Variants in UBE2H observed in about 807,000 individuals in gnomAD.
The protein encoded by UBE2H is ubiquitin-conjugating enzyme E2 H.
UBE2H carries 3 observed loss-of-function variants against 29.0 expected under a neutral mutation model. That is an observed-to-expected ratio of 0.10 (90% CI 0.05 to 0.27). UBE2H has a LOEUF of 0.27. Among genes scored for constraint, UBE2H ranks in the 10% least tolerant of loss-of-function variants. The probability of loss-of-function intolerance (pLI) is 1.00; values close to 1 mark genes in which losing one functional copy is unlikely to be tolerated. For missense variants in UBE2H, 68 were observed against 228.2 expected (o/e 0.30, Z 4.52); for synonymous variants, 69 against 82.9 (o/e 0.83, Z 0.91).
chr7:129,911,394 G>A (rs1392390819), intron 1 of UBE2H, among the ~76,000 whole-genome samples: 2 of 150,898 alleles, frequency 1.3e-5, no homozygotes, highest in Non-Finnish European at 3.0e-5. Context: ...AAAAAATGAG[G>A]ACAGAACAAA....
rs141932831 is a variant in UBE2H at position 129,931,901 on chromosome 7, T to C, written c.53+20602A>G. On this transcript the variant is annotated intron_variant, in intron 1 of 6. Transcript: ENST00000355621. ...CCCAGGCTGGAGTGCAGTGGCACAA[T>C]CTCAGCTCCGCCTCCCAGGTTTAAG... Among the ~76,000 whole-genome samples, 671 of 145,722 alleles carry C rather than the reference T, an allele frequency of 4.6e-3. 6 individuals carry two copies. Among genetic ancestry groups the C allele is most frequent in the African/African-American group, 0.016 (639 of 39,950 alleles).
At chr7:129,943,529 AGTTG>A (rs78416933) in intron 1 of UBE2H, among the ~76,000 whole-genome samples, 19,406 of 152,168 alleles carry the variant, frequency 0.13, 1,538 homozygotes, top group East Asian at 0.3. Context: ...GGTTGCAGTG[AGTTG>A]AAATCGCACC....
At chr7:129,933,891 G>A (rs1228345418) in intron 1 of UBE2H, among the ~76,000 whole-genome samples, 1 of 152,176 alleles carries the variant, frequency 6.6e-6, no homozygotes, top group Non-Finnish European at 1.5e-5. Flanking sequence ...CTGTGATAAG[G>A]ACTTACTCTG....
intron 1 of UBE2H, among the ~76,000 whole-genome samples, chr7:129,902,402 G>A (rs1278450921): frequency 6.6e-6 from 1 of 152,216 alleles, no homozygotes; most frequent in East Asian, 1.9e-4. Context: ...TTGGGAGGCT[G>A]AGGCAGGAGA....
intron 3 of UBE2H, among the ~76,000 whole-genome samples, chr7:129,869,699 G>A (rs190243359): frequency 4.5e-4 from 68 of 152,318 alleles, no homozygotes; most frequent in African/African-American, 1.6e-3. Context: ...CTGCAGAAAG[G>A]GCACTGTATC....
At chr7:129,854,070 T>TG (rs1805662059) in intron 5 of UBE2H, among the ~76,000 whole-genome samples, 3 of 149,542 alleles carry the variant, frequency 2.0e-5, no homozygotes, top group African/African-American at 7.4e-5. Flanking sequence ...GTTTTTTTTT[T>TG]TTTTTTTTTT....
At chr7:129,942,298 G>A (rs900161164) in intron 1 of UBE2H, among the ~76,000 whole-genome samples, 3 of 150,736 alleles carry the variant, frequency 2.0e-5, no homozygotes, top group Admixed American at 6.6e-5. Context: ...ACTCTGGGAG[G>A]CCAAGGCAGG....
At chr7:129,886,591 G>C (rs1390860106) in intron 1 of UBE2H, among the ~76,000 whole-genome samples, 1 of 152,034 alleles carries the variant, frequency 6.6e-6, no homozygotes, top group Non-Finnish European at 1.5e-5. Flanking sequence ...TCCCTGAGCT[G>C]TGTGGAAGGG....
intron 1 of UBE2H, among the ~76,000 whole-genome samples, chr7:129,933,016 C>T (rs1377594265): frequency 2.0e-5 from 3 of 152,002 alleles, no homozygotes; most frequent in Non-Finnish European, 4.4e-5. Context: ...AAGCACATGT[C>T]CACAAACAAA....
intron 6 of UBE2H, 58 bp downstream of exon 6, chr7:129,839,149 C>T (rs1805381631): frequency 8.8e-6 from 14 of 1,583,600 alleles, no homozygotes; most frequent in Non-Finnish European, 1.2e-5. Context: ...CTTTTAATGA[C>T]TGAAGCCCAA....
intron 3 of UBE2H, among the ~76,000 whole-genome samples, chr7:129,861,108 C>T (rs1279122268): frequency 6.6e-6 from 1 of 151,752 alleles, no homozygotes; most frequent in East Asian, 1.9e-4. Context: ...GCCTGTAGTC[C>T]CAGCTACTCG....
At chr7:129,886,770 A>T (rs1311918766) in intron 1 of UBE2H, among the ~76,000 whole-genome samples, 13 of 112,286 alleles carry the variant, frequency 1.2e-4, no homozygotes, top group African/African-American at 5.0e-4. Flanking sequence ...TTTTTGGTAA[A>T]AAAAAAAAAA....
At chr7:129,870,481 G>C (rs1404437563) in intron 3 of UBE2H, among the ~76,000 whole-genome samples, 1 of 152,154 alleles carries the variant, frequency 6.6e-6, no homozygotes, top group Non-Finnish European at 1.5e-5. Context: ...GCCAAGCGTG[G>C]TGGCCCATGC....
At chr7:129,852,175 A>G (rs1199741502) in intron 5 of UBE2H, among the ~76,000 whole-genome samples, 4 of 152,260 alleles carry the variant, frequency 2.6e-5, no homozygotes, top group Admixed American at 6.5e-5. Context: ...ATGTTTAGGA[A>G]ACAGCATGCA....
At chr7:129,879,963 C>G (rs903015214) in intron 2 of UBE2H, among the ~76,000 whole-genome samples, 4 of 152,096 alleles carry the variant, frequency 2.6e-5, no homozygotes, top group African/African-American at 4.8e-5. Flanking sequence ...ATTCATCCCC[C>G]CTCCAAGGCC....
intron 3 of UBE2H, among the ~76,000 whole-genome samples, chr7:129,860,692 T>C (rs972004314): frequency 1.3e-5 from 2 of 152,012 alleles, no homozygotes; most frequent in African/African-American, 4.8e-5. Context: ...TATCAACTTG[T>C]ATACATCTAA....
chr7:129,848,616 G>A (rs752989445), intron 5 of UBE2H, among the ~76,000 whole-genome samples: 1 of 152,188 alleles, frequency 6.6e-6, no homozygotes, highest in Non-Finnish European at 1.5e-5. Flanking sequence ...TTTCACCCAA[G>A]TTATTCACAT....
chr7:129,849,201 A>G (rs1805565118), intron 5 of UBE2H, among the ~76,000 whole-genome samples: 2 of 152,204 alleles, frequency 1.3e-5, no homozygotes, highest in Admixed American at 6.5e-5. Context: ...ACAGCCCCTC[A>G]AGGAAAACTT....
intron 3 of UBE2H, among the ~76,000 whole-genome samples, chr7:129,868,039 C>T (rs557288432): frequency 3.9e-5 from 6 of 152,220 alleles, no homozygotes; most frequent in South Asian, 4.1e-4. Context: ...TAAGACATTG[C>T]TTTTGTTGTT....
Sources: allele counts gnomAD v4.1 joint callset (sites outside exome capture counted in the v4.1 genomes callset), GRCh38; gene constraint gnomAD v4.1.1; transcripts MANE v1.5; gene names NCBI Gene and HGNC (gene_info 2026-07-23, HGNC 2026-07-21).